Variants in SMAD2 observed in about 807,000 individuals in gnomAD.
The protein encoded by SMAD2 is MAD homolog 2.
Under a neutral mutation model 64.4 loss-of-function variants are expected in SMAD2, and 8 were observed. The observed-to-expected ratio is 0.12, with a 90% CI of 0.07 to 0.22. The LOEUF (loss-of-function observed/expected upper bound fraction) is 0.22, where lower values mean the gene tolerates loss of function less well. SMAD2 is among the 10% of genes least tolerant of loss of function. SMAD2 has a pLI of 1.00. For synonymous variants in SMAD2, 203 were observed against 195.8 expected (o/e 1.04, Z -0.31); for missense variants, 289 against 561.2 (o/e 0.51, Z 4.90).
chr18:47,877,523 T>C (rs1243203648), intron 2 of SMAD2, among the ~76,000 whole-genome samples: 1 of 152,168 alleles, frequency 6.6e-6, no homozygotes, highest in Non-Finnish European at 1.5e-5. Context: ...ATATTTTATC[T>C]TGACTACAAA....
chr18:47,870,322 A>T (rs1032747919), intron 3 of SMAD2, among the ~76,000 whole-genome samples, 153 bp downstream of exon 3: 1 of 152,202 alleles, frequency 6.6e-6, no homozygotes, highest in African/African-American at 2.4e-5. Flanking sequence ...TATATTTTTT[A>T]TACTGGCAAG....
intron 4 of SMAD2, 118 bp downstream of exon 4, chr18:47,869,125 A>G (rs1036530190): frequency 4.1e-6 from 3 of 739,812 alleles, no homozygotes; most frequent in African/African-American, 3.6e-5. Flanking sequence ...AATATGCACA[A>G]TTTAAGGTAA....
chr18:47,842,038 T>C, intron 10 of SMAD2, 88 bp from the exon 11 acceptor site: 1 of 1,399,596 alleles, frequency 7.1e-7, no homozygotes, highest in South Asian at 1.2e-5. Context: ...GCATTAAAAA[T>C]TTACAGAAAT....
At position 47,815,449 on chromosome 18, in the gene SMAD2, A is replaced by G. The variant is rs1025857683; in HGVS notation, c.*26378T>C. The G allele has an allele frequency of 1.3e-5, 2 of 152,200 alleles. No homozygotes were observed. The highest frequency in any genetic ancestry group is 1.3e-4 in the Admixed American group (2 of 15,276). The allele number at this position is 152,200 out of a possible 1,614,324, so 9.4% of individuals were successfully genotyped here. On this transcript the variant is annotated 3_prime_UTR_variant, in exon 11 of 11. Coordinates refer to ENST00000262160, the MANE Select transcript of SMAD2 (RefSeq NM_005901.6). ...GAGGTTTAAGTCCTGGCTGATAATC[A>G]TTTTGGGTTTTCTGAAAATGCAGAT... is the stretch of plus-strand genomic sequence containing the variant.
chr18:47,929,286 A>G (rs529477920), intron 1 of SMAD2, among the ~76,000 whole-genome samples: 2 of 152,316 alleles, frequency 1.3e-5, no homozygotes, highest in East Asian at 1.9e-4. Context: ...TTTCAGCATA[A>G]TAAGAGCAAA....
intron 2 of SMAD2, among the ~76,000 whole-genome samples, chr18:47,871,702 TAAAAGCCAGA>T (rs2031943585): frequency 1.3e-5 from 2 of 152,314 alleles, no homozygotes; most frequent in Admixed American, 6.5e-5. Flanking sequence ...TACCAGACTA[TAAAAGCCAGA>T]AAAAGCCAGG....
chr18:47,885,094 T>C (rs1307822864), intron 2 of SMAD2, among the ~76,000 whole-genome samples: 7 of 151,568 alleles, frequency 4.6e-5, no homozygotes, highest in Non-Finnish European at 1.0e-4. Context: ...ACATTTACTT[T>C]AATAACATAG....
intron 1 of SMAD2, among the ~76,000 whole-genome samples, chr18:47,898,663 T>TC (rs2033548741): frequency 6.6e-6 from 1 of 151,020 alleles, no homozygotes; most frequent in South Asian, 2.1e-4. Flanking sequence ...GAAGAATAAT[T>TC]TTTTTTTTTA....
intron 1 of SMAD2, among the ~76,000 whole-genome samples, chr18:47,900,768 A>ATCAT (rs1262399721): frequency 6.6e-6 from 1 of 152,152 alleles, no homozygotes; most frequent in Non-Finnish European, 1.5e-5. Flanking sequence ...AGCAATCTAG[A>ATCAT]TCATTGTAGT....
chr18:47,857,860 G>A (rs956387121), intron 6 of SMAD2, among the ~76,000 whole-genome samples: 1 of 152,170 alleles, frequency 6.6e-6, no homozygotes, highest in Non-Finnish European at 1.5e-5. Flanking sequence ...AGGAAGTCCT[G>A]GGCAAGGCTG....
At chr18:47,887,469 CA>C (rs1273261913) in intron 2 of SMAD2, among the ~76,000 whole-genome samples, 1 of 151,314 alleles carries the variant, frequency 6.6e-6, no homozygotes, top group Non-Finnish European at 1.5e-5. Context: ...GTTGGAAGTC[CA>C]AATGCAGACT....
At chr18:47,845,049 T>C in intron 10 of SMAD2, 1 of 578,054 alleles carries the variant, frequency 1.7e-6, no homozygotes. Flanking sequence ...TGTGCAAACA[T>C]CTCTCCTTCC....
Position 47,870,518 on chromosome 18 carries a change from G to C in SMAD2, c.283C>G (p.Gln95Glu), listed in dbSNP as rs757084234. ...WGLSTPNTID[Q>E]WDTTGLYSFS... ...CTGTAAAGGCCTGTTGTATCCCACT[G>C]ATCTATCGTATTTGGTGTACTCAGT... Residue 95 changes from glutamine to glutamate, a missense_variant, in exon 3 of 11, where the codon CAG (glutamine) becomes GAG (glutamate). Transcript: ENST00000262160. 1 of 1,613,632 alleles carries C rather than the reference G, an allele frequency of 6.2e-7. No individual in the cohort carries two copies. Among genetic ancestry groups the C allele is most frequent in the Non-Finnish European group, 8.5e-7 (1 of 1,179,650 alleles).
chr18:47,851,171 A>T lies in SMAD2; in HGVS notation c.784+103T>A, dbSNP rs915198601. 74 of 828,292 alleles carry T rather than the reference A, an allele frequency of 8.9e-5. No individual in the cohort carries two copies. The Admixed American group carries it at 1.4e-3, about 15-fold the overall frequency. The allele number at this position is 828,292 out of a possible 1,614,324, so 51.3% of individuals were successfully genotyped here. A position where few individuals can be genotyped will look rare whatever the true frequency, so the allele number is the denominator to read the frequency against. On this transcript the variant is annotated intron_variant, in intron 7 of 10. Coordinates refer to ENST00000262160, the MANE Select transcript of SMAD2 (RefSeq NM_005901.6). ...CATAATTATTTGGCTATTCATTAGG[A>T]TCCCTTTCTCGGATATATAAAAAAT...
At chr18:47,923,484 T>C (rs540666738) in intron 1 of SMAD2, 1 of 152,318 alleles carries the variant, frequency 6.6e-6, no homozygotes, top group South Asian at 2.1e-4. Context: ...TAAATTTAGA[T>C]TAAGTAAAAT....
rs2032825656 is a variant in SMAD2 at position 47,885,161 on chromosome 18, AC to A, written c.236+11359del. Among the ~76,000 whole-genome samples the A allele has an allele frequency of 2.0e-5, 3 of 150,966 alleles. No homozygotes were observed. The South Asian group carries it at 6.3e-4, about 32-fold the overall frequency. On this transcript the variant is annotated intron_variant, in intron 2 of 10. Transcript: ENST00000262160. ...CACACACACACACACACACACACAC[AC>A]ACACACACACACACACACACATATA...
At chr18:47,930,097 A>G (rs2034938515) in intron 1 of SMAD2, among the ~76,000 whole-genome samples, 1 of 152,144 alleles carries the variant, frequency 6.6e-6, no homozygotes, top group Non-Finnish European at 1.5e-5. Context: ...ACCACAAACT[A>G]TGGAGTGTGA....
At position 47,850,823 on chromosome 18, in the gene SMAD2, A is replaced by G. The variant is rs1398547561; in HGVS notation, c.784+451T>C. ...ATATATTATGTATAATATATTATAT[A>G]TTATATATATTATGTATATTATATA... is the stretch of plus-strand genomic sequence containing the variant. On this transcript the variant is annotated intron_variant, in intron 7 of 10. Transcript: ENST00000262160. Among the ~76,000 whole-genome samples, 52 of 30,526 alleles carry G rather than the reference A, an allele frequency of 1.7e-3. 2 individuals are homozygous for G. Among genetic ancestry groups the G allele is most frequent in the African/African-American group, 9.4e-3 (52 of 5,536 alleles). The allele number at this position is 30,526 out of a possible 152,430, so 20.0% of individuals were successfully genotyped here.
rs1279536529 is a variant in SMAD2, at chr18:47,832,018, T to C, written c.*9809A>G. 3.9e-5 allele frequency: 6 copies of C among 152,216 alleles called. No homozygotes were observed. Among genetic ancestry groups the C allele is most frequent in the Non-Finnish European group, 1.5e-5 (1 of 68,032 alleles). 9.4% of individuals were successfully genotyped at this position (152,216 alleles called of 1,614,324 possible). On this transcript the variant is annotated 3_prime_UTR_variant, in exon 11 of 11. Coordinates refer to ENST00000262160, the MANE Select transcript of SMAD2 (RefSeq NM_005901.6). ...TTCTTCACCCAAACTTAGACAAACCTGGAGCTTAAAATAATTACATTGGAT... is the reference window on the plus strand; with the variant it reads ...TTCTTCACCCAAACTTAGACAAACCCGGAGCTTAAAATAATTACATTGGAT...
Sources: allele counts gnomAD v4.1 joint callset (sites outside exome capture counted in the v4.1 genomes callset), GRCh38; gene constraint gnomAD v4.1.1; transcripts MANE v1.5; gene names NCBI Gene and HGNC (gene_info 2026-07-23, HGNC 2026-07-21).